Variants in ASH2L observed in about 807,000 individuals in gnomAD.
The protein encoded by ASH2L is set1/Ash2 histone methyltransferase complex subunit ASH2.
ASH2L carries 30 observed loss-of-function variants against 81.1 expected under a neutral mutation model. That is an observed-to-expected ratio of 0.37 (90% CI 0.28 to 0.50). The LOEUF is 0.50. Among genes scored for constraint, ASH2L ranks in the 20% least tolerant of loss-of-function variants. The pLI, the probability that ASH2L is intolerant of heterozygous loss-of-function variation, is 0.95. For missense variants in ASH2L, 559 were observed against 792.1 expected (o/e 0.71, Z 3.53); for synonymous variants, 273 against 279.9 (o/e 0.98, Z 0.24).
intron 9 of ASH2L, 64 bp downstream of exon 9, chr8:38,119,427 A>G: frequency 5.3e-6 from 7 of 1,320,310 alleles, no homozygotes; most frequent in Non-Finnish European, 6.1e-6. Flanking sequence ...GGGAAAGTCC[A>G]GCAGAGGGAA....
intron 14 of ASH2L, among the ~76,000 whole-genome samples, chr8:38,137,092 CAAA>C (rs1233717332): frequency 1.4e-5 from 1 of 72,110 alleles, no homozygotes; most frequent in Admixed American, 1.7e-4. Flanking sequence ...GACTCCGTCT[CAAA>C]AAAAAAAAAA....
At chr8:38,135,520 A>T (rs1563262870) in intron 13 of ASH2L, 148 bp from the exon 14 acceptor site, 1 of 544,448 alleles carries the variant, frequency 1.8e-6, no homozygotes, top group Non-Finnish European at 3.3e-6. Context: ...TAAAAATTGA[A>T]GATGTTGTTA....
At chr8:38,125,659 T>C (rs760943978) in intron 10 of ASH2L, among the ~76,000 whole-genome samples, 23 of 152,124 alleles carry the variant, frequency 1.5e-4, no homozygotes, top group Non-Finnish European at 3.2e-4. Flanking sequence ...AATAATTCCT[T>C]GCTATCATCC....
rs777459951 is a variant in ASH2L at position 38,114,929 on chromosome 8, G to A, written c.706G>A (p.Val236Ile). 1 of 1,611,890 alleles carries A rather than the reference G, an allele frequency of 6.2e-7. No homozygotes were observed. The highest frequency in any genetic ancestry group is 8.5e-7 in the Non-Finnish European group (1 of 1,178,200). The change falls in exon 7 of 16, where the codon GTA becomes ATA. Residue 236 changes from valine (V) to isoleucine (I), a missense_variant. By Grantham distance (29) the Val-to-Ile change is conservative. Around this residue, in one of 4 missense-constraint regions of ASH2L, gnomAD observed 318 missense variants for 527.0 expected, o/e 0.60. Coordinates refer to ENST00000343823, the MANE Select transcript of ASH2L (RefSeq NM_004674.5). ...GAGTAAAGAAAGAGATGTATTCTTG[G>A]TAAAGGAACACCCAGATCCAGGCAG... is the stretch of plus-strand genomic sequence containing the variant. ...TMSKERDVFLVKEHPDPGSKD... is the reference protein window; with the variant it reads ...TMSKERDVFLIKEHPDPGSKD...
At chr8:38,121,337 A>ATT (rs1811137480) in intron 10 of ASH2L, among the ~76,000 whole-genome samples, 188 bp downstream of exon 10, 2 of 47,662 alleles carry the variant, frequency 4.2e-5, no homozygotes, top group Non-Finnish European at 3.9e-5. Flanking sequence ...TTTTATTTAT[A>ATT]TATATATATA....
chr8:38,137,138 G>T lies in ASH2L; in HGVS notation c.1719+1372G>T, dbSNP rs148765278. Among the ~76,000 whole-genome samples the T allele has an allele frequency of 7.7e-4, 116 of 151,156 alleles. 2 individuals are homozygous for T. The East Asian group carries it at 0.019, about 25-fold the overall frequency. ...GGTGGCGCTGGGCACAGTGGCTCACGCCTGTAATCCCAGCACTTTGGTGGG... is the reference window on the plus strand; with the variant it reads ...GGTGGCGCTGGGCACAGTGGCTCACTCCTGTAATCCCAGCACTTTGGTGGG... On this transcript the variant is annotated intron_variant, in intron 14 of 15. Coordinates refer to ENST00000343823, the MANE Select transcript of ASH2L (RefSeq NM_004674.5).
rs33928804 is a variant in ASH2L, at chr8:38,120,618, T to TCCCCCCCCC, written c.948-304_948-296dup. 6.5e-4 allele frequency among the ~76,000 whole-genome samples: 3 copies of TCCCCCCCCC among 4,614 alleles called. 1 individual carries two copies. The highest frequency in any genetic ancestry group is 3.5e-3 in the Non-Finnish European group (2 of 574). The allele number at this position is 4,614 out of a possible 152,430, so 3.0% of individuals were successfully genotyped here. A position where few individuals can be genotyped will look rare whatever the true frequency, so the allele number is the denominator to read the frequency against. On this transcript the variant is annotated intron_variant, in intron 9 of 15. Coordinates refer to ENST00000343823, the MANE Select transcript of ASH2L (RefSeq NM_004674.5). ...AATCACCCCCATTCCTCTCCTCCCTTCCCCCCCCCCCCCCCCCCGCATAAT... is the reference window on the plus strand; with the variant it reads ...AATCACCCCCATTCCTCTCCTCCCTTCCCCCCCCCCCCCCCCCCCCCCCCCCCGCATAAT...
intron 5 of ASH2L, among the ~76,000 whole-genome samples, chr8:38,112,013 C>G (rs1425207876): frequency 6.6e-6 from 1 of 152,120 alleles, no homozygotes; most frequent in Non-Finnish European, 1.5e-5. Context: ...ATTAATAAAA[C>G]AATTCCTTTA....
intron 9 of ASH2L, 124 bp from the exon 10 acceptor site, chr8:38,120,808 A>T (rs1324555630): frequency 1.6e-5 from 12 of 728,002 alleles, no homozygotes; most frequent in Middle Eastern, 3.0e-4. Context: ...GAGTAATGAG[A>T]AGTATTTGCT....
chr8:38,110,779 A>C lies in ASH2L; in HGVS notation c.531A>C (p.Thr177=), dbSNP rs1810648653. The change falls in exon 5 of 16, where the codon ACA becomes ACC. Residue 177 remains threonine (T), a synonymous_variant. Coordinates refer to ENST00000343823, the MANE Select transcript of ASH2L (RefSeq NM_004674.5). ...EMCLSALANL[T]WQSRTQDEHP... is the part of the protein sequence containing the mutation. ...GCCTTAGTGCTTTGGCCAACCTGAC[A>C]TGGCAGTCCCGAACACAGGATGAAC... is the stretch of plus-strand genomic sequence containing the variant. 2 of 1,614,054 alleles carry C rather than the reference A, an allele frequency of 1.2e-6. No homozygotes were observed. Among genetic ancestry groups the C allele is most frequent in the Non-Finnish European group, 8.5e-7 (1 of 1,179,990 alleles).
chr8:38,111,008 C>T (rs1018670786), intron 5 of ASH2L, among the ~76,000 whole-genome samples, 175 bp downstream of exon 5: 1 of 152,116 alleles, frequency 6.6e-6, no homozygotes, highest in African/African-American at 2.4e-5. Context: ...GATCTCAGCT[C>T]AGTGCACCCT....
At chr8:38,133,686 A>C in intron 13 of ASH2L, 140 bp downstream of exon 13, 2 of 635,468 alleles carry the variant, frequency 3.1e-6, no homozygotes, top group Non-Finnish European at 5.4e-6. Context: ...CGGCAAGCTC[A>C]CCCTCTGCTT....
chr8:38,129,624 TC>T (rs1801976819), intron 12 of ASH2L, among the ~76,000 whole-genome samples: 1 of 152,176 alleles, frequency 6.6e-6, no homozygotes, highest in African/African-American at 2.4e-5. Context: ...TCAGGAAGTT[TC>T]CTCATGCCTT....
At chr8:38,132,062 T>G (rs1429651768) in intron 12 of ASH2L, among the ~76,000 whole-genome samples, 1 of 152,178 alleles carries the variant, frequency 6.6e-6, no homozygotes, top group Non-Finnish European at 1.5e-5. Flanking sequence ...TTGGCCAGGC[T>G]GATCTCAAAT....
At chr8:38,110,958 C>A in intron 5 of ASH2L, 125 bp downstream of exon 5, 1 of 790,324 alleles carries the variant, frequency 1.3e-6, no homozygotes, top group Non-Finnish European at 2.1e-6. Context: ...TCAGTGATTA[C>A]CTTGTTCTCT....
At chr8:38,114,883 G>A (rs766165843) in intron 6 of ASH2L, 22 bp from the exon 7 acceptor site, 1 of 1,476,942 alleles carries the variant, frequency 6.8e-7, no homozygotes, top group Non-Finnish European at 9.5e-7. Flanking sequence ...TTCATTAATA[G>A]TAAAACACTA....
At position 38,107,051 on chromosome 8, in the gene ASH2L, G is replaced by A. The variant is rs1810465901; in HGVS notation, c.286G>A (p.Asp96Asn). ...EGAGDTSEVM[D>N]TQAGSVDEEN... ...TGCTGGGGATACATCAGAGGTGATG[G>A]ATACTCAGGCGGGCTCCGTGGATGA... The change falls in exon 3 of 16, where the codon GAT becomes AAT. Residue 96 changes from aspartate (D) to asparagine (N), a missense_variant. Physicochemically the swap from Asp to Asn is conservative, Grantham distance 23 (BLOSUM62 1). This residue lies in a region of ASH2L where 318 missense variants were observed against 527.0 expected (regional missense o/e 0.60). Transcript: ENST00000343823. 6.2e-7 allele frequency: 1 copy of A among 1,613,950 alleles called. No individual in the cohort carries two copies. The highest frequency in any genetic ancestry group is 2.2e-5 in the East Asian group (1 of 44,882).
At chr8:38,107,234 C>T in intron 3 of ASH2L, 68 bp downstream of exon 3, 2 of 1,586,604 alleles carry the variant, frequency 1.3e-6, no homozygotes, top group Non-Finnish European at 1.7e-6. Flanking sequence ...TCAACAGTTA[C>T]TTTGTGGGCA....
At chr8:38,110,263 G>T in intron 3 of ASH2L, 116 bp from the exon 4 acceptor site, 1 of 775,888 alleles carries the variant, frequency 1.3e-6, no homozygotes, top group Non-Finnish European at 2.2e-6. Flanking sequence ...AGTGAGCTAT[G>T]ATTGCACCAC....
Sources: allele counts gnomAD v4.1 joint callset (sites outside exome capture counted in the v4.1 genomes callset), GRCh38; gene constraint gnomAD v4.1.1; regional missense constraint gnomAD v4.1.1; transcripts MANE v1.5; gene names NCBI Gene and HGNC (gene_info 2026-07-23, HGNC 2026-07-21).